The following ARMCX4 variants were observed in gnomAD, a reference collection of about 807,000 sequenced individuals.
ARMCX4 encodes the protein armadillo repeat-containing X-linked protein 4.
ARMCX4 carries 3 observed loss-of-function variants against 34.7 expected under a neutral mutation model. That is an observed-to-expected ratio of 0.09 (90% confidence interval 0.04 to 0.22). ARMCX4 has a LOEUF of 0.22. Among genes scored for constraint, ARMCX4 ranks in the 10% least tolerant of loss-of-function variants. The pLI, the probability that ARMCX4 is intolerant of heterozygous loss-of-function variation, is 1.00. For missense variants in ARMCX4, 1,448 were observed against 1,720.8 expected, an observed-to-expected ratio of 0.84 and a Z score of 2.81; for synonymous variants, 513 against 632.8, an observed-to-expected ratio of 0.81 and a Z score of 2.84.
At chrX:101,419,429 A>G (rs1401959190) in intron 2 of ARMCX4, among the ~76,000 whole-genome samples, 2 of 112,031 alleles carry the variant, frequency 1.8e-5, no homozygotes, top group Non-Finnish European at 3.8e-5. Flanking sequence ...TTGCACTTGA[A>G]AAGGGGGAGA....
In ARMCX4 at chrX:101,512,860, G is replaced by GTATA. The variant is rs369708411; in HGVS notation, c.*1780+1811_*1780+1814dup. Among the ~76,000 whole-genome samples the GTATA allele has an allele frequency of 4.9e-3, 475 of 97,322 alleles. 5 individuals carry two copies. Among genetic ancestry groups the GTATA allele is most frequent in the African/African-American group, 0.014 (380 of 26,665 alleles). 84.5% of individuals were successfully genotyped at this position (97,322 alleles called of 115,157 possible). A position where few individuals can be genotyped will look rare whatever the true frequency, so the allele number is the denominator to read the frequency against. On this transcript the variant is annotated intron_variant and NMD_transcript_variant, in intron 11 of 12. Coordinates refer to the ARMCX4 transcript ENST00000354842. ...TATATGTGTATATATGTGTATATATGTATATATATGTAGAGAGAGAGAGAG... is the reference window on the plus strand; with the variant it reads ...TATATGTGTATATATGTGTATATATGTATATATATATATGTAGAGAGAGAGAGAG...
Position 101,491,071 on chromosome X carries a change from G to T in ARMCX4, c.2482G>T (p.Ala828Ser). The T allele has an allele frequency of 8.7e-7, 1 of 1,155,080 alleles. No homozygotes were observed. The highest frequency in any genetic ancestry group is 1.1e-6 in the Non-Finnish European group (1 of 872,725). ...AGAGMDTRGS[A>S]QPQAVANSQG... ...GGCTGGGATGGATACAAGGGGCTCT[G>T]CCCAGCCCCAGGCTGTGGCCAATTC... The change falls in exon 6 of 6, where the codon GCC (alanine) becomes TCC (serine). Residue 828 changes from alanine (A) to serine (S), a missense_variant. Transcript: ENST00000423738.
exon 12 of ARMCX4, chrX:101,531,861 C>A (rs1293466868): frequency 8.9e-6 from 1 of 111,773 alleles, no homozygotes; most frequent in African/African-American, 3.3e-5. Context: ...GAAACTTTTC[C>A]TCATGGAAAT....
At chrX:101,454,753 A>G (rs1307674025) in intron 4 of ARMCX4, among the ~76,000 whole-genome samples, 3 of 111,569 alleles carry the variant, frequency 2.7e-5, no homozygotes, top group Non-Finnish European at 3.8e-5. Flanking sequence ...CTGTCATAAC[A>G]AAGTACTATA....
At chrX:101,468,015 T>C (rs1477302047) in intron 4 of ARMCX4, among the ~76,000 whole-genome samples, 2 of 112,076 alleles carry the variant, frequency 1.8e-5, no homozygotes, top group East Asian at 5.6e-4. Context: ...TATGGAATAG[T>C]ATGTACAATA....
At chrX:101,479,620 AC>A (rs1280638120) in intron 4 of ARMCX4, among the ~76,000 whole-genome samples, 2 of 108,497 alleles carry the variant, frequency 1.8e-5, no homozygotes, top group African/African-American at 6.7e-5. Flanking sequence ...AGCTTGGACT[AC>A]AGGTGTGCGC....
At chrX:101,421,189 G>T (rs782816723) in intron 2 of ARMCX4, among the ~76,000 whole-genome samples, 2 of 71,587 alleles carry the variant, frequency 2.8e-5, no homozygotes, top group South Asian at 1.7e-3. Flanking sequence ...GGCAACAAGA[G>T]CAAAACTCTG....
At chrX:101,458,304 C>T (rs1932417465) in intron 4 of ARMCX4, among the ~76,000 whole-genome samples, 1 of 111,032 alleles carries the variant, frequency 9.0e-6, no homozygotes, top group African/African-American at 3.3e-5. Context: ...CCCCACTAGC[C>T]CTTGATAGCT....
Position 101,491,673 on chromosome X carries a change from C to T in ARMCX4, c.3084C>T (p.Ala1028=). Residue 1028 remains alanine (A), a synonymous_variant, in exon 6 of 6, where the codon GCC becomes GCT. Transcript: ENST00000423738. ...CTGGGGCAGGCACAAGGCACTCTGCCCAGCCTCAGATTGTGGCCGGTTCCC... is the reference window on the plus strand; with the variant it reads ...CTGGGGCAGGCACAAGGCACTCTGCTCAGCCTCAGATTGTGGCCGGTTCCC... The part of the protein sequence containing the change: ...AGTGAGTRHS[A]QPQIVAGSQG... 8.6e-7 allele frequency: 1 copy of T among 1,156,641 alleles called. No individual in the cohort carries two copies.
chrX:101,439,652 A>G (rs1931099442), intron 2 of ARMCX4, among the ~76,000 whole-genome samples: 1 of 111,470 alleles, frequency 9.0e-6, no homozygotes, highest in Non-Finnish European at 1.9e-5. Flanking sequence ...ATAGTCCCAT[A>G]TTTCTTAGAG....
chrX:101,493,441 G>A lies in ARMCX4; in HGVS notation c.4852G>A (p.Val1618Ile), dbSNP rs1956320061. ...TTCCTGGGGTGTGGCTGGTGGCCAG[G>A]TCCTTGGGGGAGCTAGGCCGGGGCC... Reference protein sequence around the residue: ...IGSWGVAGGQVLGGARPGPAD... With the variant: ...IGSWGVAGGQILGGARPGPAD... Residue 1618 changes from valine (V) to isoleucine (I), a missense_variant, in exon 6 of 6, where the codon GTC becomes ATC. By Grantham distance (29) the Val-to-Ile change is conservative. Coordinates refer to ENST00000423738, the MANE Select transcript of ARMCX4 (RefSeq NM_001256155.3). 1 of 1,155,264 alleles carries A rather than the reference G, an allele frequency of 8.7e-7. No homozygotes were observed. The highest frequency in any genetic ancestry group is 1.1e-6 in the Non-Finnish European group (1 of 872,687).
intron 4 of ARMCX4, among the ~76,000 whole-genome samples, chrX:101,467,793 A>G (rs1366606440): frequency 8.9e-6 from 1 of 112,110 alleles, no homozygotes; most frequent in East Asian, 2.8e-4. Context: ...GTTACCCAAA[A>G]CATGGTTTCT....
At chrX:101,485,554 C>T in intron 1 of ARMCX4, 24 bp downstream of exon 1, 3 of 365,267 alleles carry the variant, frequency 8.2e-6, no homozygotes, top group Non-Finnish European at 1.1e-5. Context: ...GGCCCGCGCG[C>T]CCTGGCCAGG....
intron 11 of ARMCX4, among the ~76,000 whole-genome samples, chrX:101,515,405 C>T (rs1556017511): frequency 9.8e-5 from 1 of 10,228 alleles, no homozygotes; most frequent in African/African-American, 3.3e-4. Context: ...CTCCCTCCCT[C>T]CCTCCCTCTC....
intron 7 of ARMCX4, among the ~76,000 whole-genome samples, chrX:101,501,734 C>T (rs1225474647): frequency 8.9e-6 from 1 of 112,466 alleles, no homozygotes; most frequent in Non-Finnish European, 1.9e-5. Flanking sequence ...ACTTCTAGGT[C>T]ATTGCCATGG....
intron 4 of ARMCX4, among the ~76,000 whole-genome samples, chrX:101,478,850 G>A (rs1411542421): frequency 9.0e-6 from 1 of 111,343 alleles, no homozygotes; most frequent in Non-Finnish European, 1.9e-5. Context: ...GAGTGAAATA[G>A]AAACATGTGG....
intron 2 of ARMCX4, among the ~76,000 whole-genome samples, chrX:101,420,182 A>C (rs1454396037): frequency 2.7e-5 from 3 of 110,312 alleles, no homozygotes; most frequent in African/African-American, 9.9e-5. Context: ...ACATGGTGAA[A>C]CCCCCATCTC....
chrX:101,525,258 C>T (rs1438330193), intron 11 of ARMCX4, among the ~76,000 whole-genome samples: 4 of 112,017 alleles, frequency 3.6e-5, no homozygotes, highest in Non-Finnish European at 7.5e-5. Flanking sequence ...AACTAACAAA[C>T]AGGAATAGCA....
chrX:101,469,067 G>C (rs782305477), intron 4 of ARMCX4, among the ~76,000 whole-genome samples: 1 of 111,745 alleles, frequency 8.9e-6, no homozygotes, highest in East Asian at 2.8e-4. Flanking sequence ...TAAGATAAAG[G>C]TAATATCTTT....
Sources: allele counts gnomAD v4.1 joint callset (sites outside exome capture counted in the v4.1 genomes callset), GRCh38; gene constraint gnomAD v4.1.1; transcripts MANE v1.5; gene names NCBI Gene and HGNC (gene_info 2026-07-23, HGNC 2026-07-21).